Variants in ADAMDEC1 observed in about 807,000 individuals in gnomAD.
ADAMDEC1 encodes the protein ADAM like decysin 1.
ADAMDEC1 carries 62 observed loss-of-function variants against 60.4 expected under a neutral mutation model. The observed-to-expected ratio is 1.03, with a 90% CI of 0.84 to 1.27. The LOEUF (loss-of-function observed/expected upper bound fraction) is 1.27. Ranked by LOEUF, ADAMDEC1 falls within the 50% of genes most tolerant of loss-of-function variation. ADAMDEC1 has a pLI of 0.00. For synonymous variants in ADAMDEC1, 210 were observed against 195.1 expected, an observed-to-expected ratio of 1.08 and a Z score of -0.64; for missense variants, 595 against 565.0, an observed-to-expected ratio of 1.05 and a Z score of -0.54.
chr8:24,394,423 T>C (rs1256022624), intron 4 of ADAMDEC1, among the ~76,000 whole-genome samples: 1 of 152,202 alleles, frequency 6.6e-6, no homozygotes, highest in Non-Finnish European at 1.5e-5. Flanking sequence ...CACTTCTCCC[T>C]AGACCATTTT....
intron 3 of ADAMDEC1, 31 bp downstream of exon 3, chr8:24,393,369 T>A: frequency 7.0e-7 from 1 of 1,424,300 alleles, no homozygotes; most frequent in Non-Finnish European, 9.8e-7. Flanking sequence ...GTCTAATCAC[T>A]GGATTAGGTT....
In ADAMDEC1 at chr8:24,392,272, A is replaced by C. The variant is rs769469861; in HGVS notation, c.99A>C (p.Ile33=). 6.2e-7 allele frequency: 1 copy of C among 1,607,574 alleles called. No individual in the cohort carries two copies. Among genetic ancestry groups the C allele is most frequent in the East Asian group, 2.2e-5 (1 of 44,764 alleles). ...TTTCTCTTTCTCTAGCAATAGCCAT[A>C]AAGCAAACACCTGAATTAACGCTCC... is the stretch of plus-strand genomic sequence containing the variant. The part of the protein sequence containing the change: ...WLIVQTQAIA[I]KQTPELTLHE... Residue 33 remains isoleucine, a synonymous_variant, in exon 2 of 14, where the codon ATA becomes ATC. Coordinates refer to ENST00000256412, the MANE Select transcript of ADAMDEC1 (RefSeq NM_014479.3).
chr8:24,398,343 ATTAT>A (rs1476561345), intron 7 of ADAMDEC1, 133 bp from the exon 8 acceptor site: 9 of 575,684 alleles, frequency 1.6e-5, no homozygotes, highest in Admixed American at 3.8e-5. Flanking sequence ...GCAGTCTTAC[ATTAT>A]TTAATTATGG....
intron 13 of ADAMDEC1, 97 bp from the exon 14 acceptor site, chr8:24,405,195 A>T (rs573464538): frequency 8.2e-7 from 1 of 1,219,442 alleles, no homozygotes; most frequent in South Asian, 1.4e-5. Flanking sequence ...TGTTATTCAC[A>T]TAATTTAAAT....
chr8:24,396,857 A>G (rs1388815), intron 5 of ADAMDEC1, among the ~76,000 whole-genome samples: 1,549 of 152,336 alleles, frequency 0.01, 23 homozygotes, highest in Middle Eastern at 0.048. Flanking sequence ...TCTAATCCCA[A>G]CGTGTTACTC....
intron 10 of ADAMDEC1, 135 bp from the exon 11 acceptor site, chr8:24,400,035 C>A (rs143534663): frequency 3.1e-6 from 2 of 649,054 alleles, no homozygotes; most frequent in Non-Finnish European, 4.7e-6. Context: ...GCTCTTTCAA[C>A]GTTTTGCAAT....
At chr8:24,392,407 A>G in intron 2 of ADAMDEC1, 27 bp downstream of exon 2, 3 of 1,502,834 alleles carry the variant, frequency 2.0e-6, no homozygotes, top group Non-Finnish European at 1.8e-6. Flanking sequence ...ACCGTGGTAG[A>G]TGTTACAATC....
intron 3 of ADAMDEC1, among the ~76,000 whole-genome samples, chr8:24,393,570 T>G (rs1817505702): frequency 6.6e-6 from 1 of 152,186 alleles, no homozygotes. Flanking sequence ...GGGAACTTAG[T>G]GAACTTCTTT....
intron 1 of ADAMDEC1, among the ~76,000 whole-genome samples, chr8:24,391,703 T>C (rs758344707): frequency 6.6e-6 from 1 of 152,212 alleles, no homozygotes; most frequent in Non-Finnish European, 1.5e-5. Flanking sequence ...AAAAGCATCA[T>C]GGCTTATTGA....
At chr8:24,387,704 A>G (rs1817329842) in intron 1 of ADAMDEC1, 1 of 152,228 alleles carries the variant, frequency 6.6e-6, no homozygotes, top group African/African-American at 2.4e-5. Flanking sequence ...CCCTAGCTTG[A>G]AAATCCCCTC....
intron 1 of ADAMDEC1, among the ~76,000 whole-genome samples, chr8:24,388,410 C>T (rs116350684): frequency 0.021 from 3,146 of 152,204 alleles, 116 homozygotes; most frequent in African/African-American, 0.073. Flanking sequence ...ACTGCTCTTA[C>T]GGCTTCAAGG....
chr8:24,396,233 G>A (rs578209739), intron 5 of ADAMDEC1, among the ~76,000 whole-genome samples: 22 of 152,288 alleles, frequency 1.4e-4, no homozygotes, highest in East Asian at 3.9e-4. Flanking sequence ...ATAACAGGCC[G>A]GGTGCGGTGG....
chr8:24,400,059 G>A (rs1206824983), intron 10 of ADAMDEC1, 111 bp from the exon 11 acceptor site: 3 of 861,526 alleles, frequency 3.5e-6, no homozygotes, highest in African/African-American at 3.4e-5. Context: ...CAGTGACAGG[G>A]AAAGGAGCTA....
Position 24,384,485 on chromosome 8 carries a change from A to T in ADAMDEC1, c.-20A>T, listed in dbSNP as rs566948295. 9 of 1,583,976 alleles carry T rather than the reference A, an allele frequency of 5.7e-6. No individual in the cohort carries two copies. In the South Asian group the frequency reaches 9.2e-5, roughly 16 times the overall value. ...GAAATTGGAGAAGATAAAACTGGAC[A>T]CTGGGGAGACCACAACTTCATGCTG... On this transcript the variant is annotated 5_prime_UTR_variant, in exon 1 of 14. Transcript: ENST00000256412.
chr8:24,404,965 A>G (rs537827448), intron 13 of ADAMDEC1, among the ~76,000 whole-genome samples: 2 of 152,260 alleles, frequency 1.3e-5, no homozygotes, highest in South Asian at 2.1e-4. Flanking sequence ...AAGAAAAAAA[A>G]TCATCCAGCT....
chr8:24,392,227 A>C (rs752470458), intron 1 of ADAMDEC1, 35 bp from the exon 2 acceptor site: 2 of 1,515,692 alleles, frequency 1.3e-6, no homozygotes, highest in Admixed American at 2.0e-5. Context: ...AAAACCTTTA[A>C]ATCTTTTATG....
At position 24,397,674 on chromosome 8, in the gene ADAMDEC1, T is replaced by C; in HGVS notation, c.628-9T>C. The C allele has an allele frequency of 6.2e-7, 1 of 1,610,862 alleles. No individual in the cohort carries two copies. The highest frequency in any genetic ancestry group is 8.5e-7 in the Non-Finnish European group (1 of 1,177,622). On this transcript the variant is annotated splice_polypyrimidine_tract_variant and intron_variant, in intron 6 of 13. Transcript: ENST00000256412. ...AATGATTAACAATGTTCTTTTATTCTTTGTAAAGAAAGAAGACTTTCTTCG... is the reference window on the plus strand; with the variant it reads ...AATGATTAACAATGTTCTTTTATTCCTTGTAAAGAAAGAAGACTTTCTTCG...
chr8:24,401,996 G>C lies in ADAMDEC1; in HGVS notation c.1224G>C (p.Leu408=). ...TTTTATCTCAGAAACCAAAGTGCCT[G>C]CTGCAAGCACCTATTCCTACAAATA... ...RYLLSQKPKC[L]LQAPIPTNIM... is the part of the protein sequence containing the mutation. Residue 408 remains leucine, a synonymous_variant, in exon 12 of 14, where the codon CTG becomes CTC. Transcript: ENST00000256412. 1 of 1,613,358 alleles carries C rather than the reference G, an allele frequency of 6.2e-7. No homozygotes were observed.
chr8:24,391,766 T>C (rs1172264012), intron 1 of ADAMDEC1, among the ~76,000 whole-genome samples: 1 of 152,144 alleles, frequency 6.6e-6, no homozygotes, highest in Non-Finnish European at 1.5e-5. Context: ...AAGTAAATGA[T>C]TATACACAAA....
Sources: gnomAD v4.1 joint callset for allele counts (sites outside exome capture counted in the v4.1 genomes callset) on GRCh38, gnomAD v4.1.1 for gene constraint, MANE v1.5 for transcripts, NCBI Gene and HGNC (gene_info 2026-07-23, HGNC 2026-07-21) for gene names.